Variants in FHIT observed in about 807,000 individuals in gnomAD.
The protein encoded by FHIT is fragile histidine triad diadenosine triphosphatase.
FHIT carries 19 observed loss-of-function variants against 17.9 expected under a neutral mutation model. The ratio of observed to expected loss-of-function variants is 1.06; its 90% CI spans 0.74 to 1.56. The LOEUF (loss-of-function observed/expected upper bound fraction) is 1.56. Among genes scored for constraint, FHIT ranks in the 40% most tolerant of loss-of-function variants. The pLI, the probability that FHIT is intolerant of heterozygous loss-of-function variation, is 0.00. For synonymous variants in FHIT, 81 were observed against 69.7 expected, an observed-to-expected ratio of 1.16 and a Z score of -0.81; for missense variants, 248 against 189.2, an observed-to-expected ratio of 1.31 and a Z score of -1.82.
chr3:60,039,897 T>C (rs1559573144), intron 5 of FHIT, among the ~76,000 whole-genome samples: 1 of 152,168 alleles, frequency 6.6e-6, no homozygotes, highest in South Asian at 2.1e-4. Flanking sequence ...TGGAAGAAAT[T>C]ATGAGTTCAC....
At chr3:60,227,753 T>G (rs17031575) in intron 5 of FHIT, among the ~76,000 whole-genome samples, 4,022 of 152,238 alleles carry the variant, frequency 0.026, 184 homozygotes, top group African/African-American at 0.09. Context: ...TCTCTAAGCT[T>G]ATGTCATCTC....
intron 4 of FHIT, among the ~76,000 whole-genome samples, chr3:60,654,711 G>A (rs1450316288): frequency 6.6e-6 from 1 of 152,142 alleles, no homozygotes; most frequent in African/African-American, 2.4e-5. Context: ...AGTATCACAG[G>A]AATTGTGACA....
intron 4 of FHIT, among the ~76,000 whole-genome samples, chr3:60,624,631 G>A (rs2039229902): frequency 6.6e-6 from 1 of 152,110 alleles, no homozygotes; most frequent in African/African-American, 2.4e-5. Context: ...ATAAAAACTT[G>A]GAATAAATAA....
chr3:59,842,279 A>G (rs559764494), intron 8 of FHIT, among the ~76,000 whole-genome samples: 1 of 152,350 alleles, frequency 6.6e-6, no homozygotes, highest in East Asian at 1.9e-4. Context: ...TTGCATGTAT[A>G]TAACACATTT....
chr3:60,911,993 T>A (rs1165709857), intron 3 of FHIT, among the ~76,000 whole-genome samples: 1 of 151,924 alleles, frequency 6.6e-6, no homozygotes, highest in East Asian at 1.9e-4. Context: ...ATAAAAAAAT[T>A]AAATCTCCCA....
At chr3:60,931,330 G>C (rs928987906) in intron 3 of FHIT, among the ~76,000 whole-genome samples, 15 of 152,112 alleles carry the variant, frequency 9.9e-5, no homozygotes, top group Non-Finnish European at 2.2e-4. Context: ...AAACCTGCAC[G>C]TTGTGCACAT....
In FHIT at chr3:60,556,360, T is replaced by C. The variant is rs74747486; in HGVS notation, c.-17-19381A>G. Among the ~76,000 whole-genome samples the C allele has an allele frequency of 8.1e-3, 1,238 of 152,276 alleles. 13 individuals carry two copies. The highest frequency in any genetic ancestry group is 0.029 in the African/African-American group (1,190 of 41,550). ...GGTCCCTCTGAAACTATGACAAACA[T>C]GTCTTTATATAGTTAACGAGGGAAG... On this transcript the variant is annotated intron_variant, in intron 4 of 9. Transcript: ENST00000492590.
intron 4 of FHIT, among the ~76,000 whole-genome samples, chr3:60,746,131 T>C (rs1176364596): frequency 6.6e-6 from 1 of 152,210 alleles, no homozygotes. Flanking sequence ...CAATCAACTG[T>C]TCCACAGTGA....
At chr3:60,332,102 G>C (rs1379811450) in intron 5 of FHIT, among the ~76,000 whole-genome samples, 1 of 152,028 alleles carries the variant, frequency 6.6e-6, no homozygotes, top group Non-Finnish European at 1.5e-5. Flanking sequence ...TCTATACTAG[G>C]TACTGTCCTT....
rs371582170 is a variant in FHIT, at chr3:60,834,581, G to A, written c.-110-12570C>T. 2.6e-3 allele frequency among the ~76,000 whole-genome samples: 393 copies of A among 152,014 alleles called. 1 individual carries two copies. The highest frequency in any genetic ancestry group is 8.7e-3 in the African/African-American group (361 of 41,482). The stretch of plus-strand genomic sequence containing the variant: ...CATTCTCTTAAAAGGGTCTTAGGCC[G>A]GGCGTGGTGGCTCACACCTGTAATA... On this transcript the variant is annotated intron_variant, in intron 3 of 9. Transcript: ENST00000492590.
At chr3:59,888,276 A>G (rs1236912145) in intron 8 of FHIT, among the ~76,000 whole-genome samples, 1 of 152,232 alleles carries the variant, frequency 6.6e-6, no homozygotes, top group African/African-American at 2.4e-5. Context: ...TAATTTTAAA[A>G]GTAGTCATGC....
intron 5 of FHIT, among the ~76,000 whole-genome samples, chr3:60,294,799 C>G (rs1708135614): frequency 6.6e-6 from 1 of 152,074 alleles, no homozygotes; most frequent in South Asian, 2.1e-4. Context: ...AACATATAAC[C>G]TTTTGAAATT....
At chr3:60,830,113 A>G (rs1473197722) in intron 3 of FHIT, among the ~76,000 whole-genome samples, 1 of 152,004 alleles carries the variant, frequency 6.6e-6, no homozygotes, top group Admixed American at 6.6e-5. Context: ...TTCAGTGGAC[A>G]ATGGTATTTG....
At chr3:59,860,025 C>G (rs1263241546) in intron 8 of FHIT, among the ~76,000 whole-genome samples, 1 of 152,104 alleles carries the variant, frequency 6.6e-6, no homozygotes, top group Non-Finnish European at 1.5e-5. Flanking sequence ...ATATATTGAT[C>G]TCTCTGAATG....
chr3:60,190,965 TG>T (rs1203467698), intron 5 of FHIT, among the ~76,000 whole-genome samples: 1 of 151,904 alleles, frequency 6.6e-6, no homozygotes, highest in Non-Finnish European at 1.5e-5. Flanking sequence ...AGGGAGATTT[TG>T]AAGTTGTGTC....
intron 7 of FHIT, among the ~76,000 whole-genome samples, chr3:59,990,951 A>G (rs1340817670): frequency 6.8e-6 from 1 of 147,964 alleles, no homozygotes; most frequent in Non-Finnish European, 1.5e-5. Flanking sequence ...GACTCTATAG[A>G]GTTGAACAGG....
chr3:60,202,634 C>G (rs1375245908), intron 5 of FHIT, among the ~76,000 whole-genome samples: 2 of 152,164 alleles, frequency 1.3e-5, no homozygotes, highest in Non-Finnish European at 2.9e-5. Flanking sequence ...TCACTGTAGT[C>G]AGGAGAACAT....
At chr3:60,200,950 G>A (rs1304920362) in intron 5 of FHIT, among the ~76,000 whole-genome samples, 2 of 151,982 alleles carry the variant, frequency 1.3e-5, no homozygotes, top group East Asian at 1.9e-4. Context: ...TTATTGCCAG[G>A]CATTAAGGAC....
chr3:60,104,502 A>T (rs920156946), intron 5 of FHIT, among the ~76,000 whole-genome samples: 5 of 151,064 alleles, frequency 3.3e-5, no homozygotes, highest in Non-Finnish European at 5.9e-5. Flanking sequence ...TTTTTACAAC[A>T]ATCAGTGGGC....
Sources: allele counts gnomAD v4.1 joint callset (sites outside exome capture counted in the v4.1 genomes callset), GRCh38; gene constraint gnomAD v4.1.1; transcripts MANE v1.5; gene names NCBI Gene and HGNC (gene_info 2026-07-23, HGNC 2026-07-21).